TINAG: variants seen among roughly 807,000 people sequenced by gnomAD.
TINAG encodes the protein tubulointerstitial nephritis antigen.
TINAG carries 83 observed loss-of-function variants against 72.7 expected under a neutral mutation model. The ratio of observed to expected loss-of-function variants is 1.14; its 90% CI spans 0.96 to 1.37. TINAG has a LOEUF of 1.37. TINAG is among the 40% of genes most tolerant of loss of function. The pLI is 0.00. For synonymous variants in TINAG, 234 were observed against 189.9 expected (o/e 1.23, Z -1.91); for missense variants, 685 against 576.6 (o/e 1.19, Z -1.93).
At position 54,310,447 on chromosome 6, in the gene TINAG, TTCTG is replaced by T. The variant is rs1027507355; in HGVS notation, c.355+1546_355+1549del. Among the ~76,000 whole-genome samples, 20 of 151,200 alleles carry T rather than the reference TTCTG, an allele frequency of 1.3e-4. No individual in the cohort carries two copies. In the South Asian group the frequency reaches 3.4e-3, roughly 25 times the overall value. On this transcript the variant is annotated intron_variant, in intron 1 of 10. Coordinates refer to ENST00000259782, the MANE Select transcript of TINAG (RefSeq NM_014464.4). ...TTTCCTTCCTTCCTTCTTTCTCTCT[TTCTG>T]TCTCTCTCTCCCTCCTTTCTCCCTC...
intron 3 of TINAG, among the ~76,000 whole-genome samples, chr6:54,323,057 T>G (rs191863188): frequency 6.6e-6 from 1 of 152,330 alleles, no homozygotes; most frequent in East Asian, 1.9e-4. Flanking sequence ...GGTGCAAAAC[T>G]CCACCATTAC....
chr6:54,352,374 T>C (rs1785286779), intron 8 of TINAG, among the ~76,000 whole-genome samples: 1 of 151,844 alleles, frequency 6.6e-6, no homozygotes, highest in South Asian at 2.1e-4. Flanking sequence ...ACTTAGCATT[T>C]ATTGAGAAAC....
chr6:54,350,124 G>A (rs555012712), intron 7 of TINAG, among the ~76,000 whole-genome samples: 232 of 152,008 alleles, frequency 1.5e-3, no homozygotes, highest in African/African-American at 5.4e-3. Flanking sequence ...AAATGTCCAA[G>A]GAAATAGGGT....
At chr6:54,315,044 AT>A (rs1784340859) in intron 1 of TINAG, among the ~76,000 whole-genome samples, 1 of 152,136 alleles carries the variant, frequency 6.6e-6, no homozygotes, top group African/African-American at 2.4e-5. Context: ...TATTGAAAAA[AT>A]GTGCAAAATT....
chr6:54,380,518 AATTGTAGAT>A lies in TINAG; in HGVS notation c.1251-7_1252del. On this transcript the variant is annotated splice_acceptor_variant and splice_polypyrimidine_tract_variant and coding_sequence_variant and intron_variant, in exon 10 of 11. Transcript: ENST00000259782. LOFTEE classifies it high-confidence loss of function. ...CATACCAATCTTTATTATTGTTATT[AATTGTAGAT>A]GGGGCACACTGAGAGGAGCACAAGG... is the stretch of plus-strand genomic sequence containing the variant. 6.2e-7 allele frequency: 1 copy of A among 1,606,448 alleles called. No individual in the cohort carries two copies. Among genetic ancestry groups the A allele is most frequent in the Non-Finnish European group, 8.5e-7 (1 of 1,175,622 alleles).
chr6:54,388,913 T>C (rs374459963), intron 10 of TINAG, among the ~76,000 whole-genome samples: 17 of 152,194 alleles, frequency 1.1e-4, no homozygotes, highest in East Asian at 7.7e-4. Context: ...AGGAGTCTAC[T>C]AGCTAGTCAC....
chr6:54,322,844 A>C (rs149854875), intron 3 of TINAG, among the ~76,000 whole-genome samples: 179 of 152,364 alleles, frequency 1.2e-3, no homozygotes, highest in Middle Eastern at 6.8e-3. Context: ...TCATATTTAA[A>C]TTATTCAAAG....
At chr6:54,321,136 C>T (rs187690747) in intron 2 of TINAG, among the ~76,000 whole-genome samples, 161 bp from the exon 3 acceptor site, 126 of 152,252 alleles carry the variant, frequency 8.3e-4, no homozygotes, top group Non-Finnish European at 1.3e-3. Flanking sequence ...TGGTAGCTAA[C>T]GTATGTTTTA....
At chr6:54,362,021 G>C (rs189198394) in intron 9 of TINAG, among the ~76,000 whole-genome samples, 2 of 151,652 alleles carry the variant, frequency 1.3e-5, no homozygotes, top group Non-Finnish European at 3.0e-5. Flanking sequence ...GGTTCATAAG[G>C]CTTAAGAAAG....
intron 4 of TINAG, among the ~76,000 whole-genome samples, chr6:54,340,199 T>C (rs557226623): frequency 1.2e-3 from 180 of 152,280 alleles, no homozygotes; most frequent in Non-Finnish European, 2.2e-3. Flanking sequence ...ACATCAAATT[T>C]GGCTAATACT....
rs3777637 is a variant in TINAG, at chr6:54,353,634, A to G, written c.1127-879A>G. 9.2e-3 allele frequency among the ~76,000 whole-genome samples: 1,403 copies of G among 151,918 alleles called. 32 individuals carry two copies. The highest frequency in any genetic ancestry group is 0.053 in the East Asian group (273 of 5,150). ...TGCACAGCATCAGAAAAGGCATGGA[A>G]CATTAAAAAATGAAACAAAAACTGG... On this transcript the variant is annotated intron_variant, in intron 8 of 10. Coordinates refer to ENST00000259782, the MANE Select transcript of TINAG (RefSeq NM_014464.4).
At chr6:54,341,940 A>T (rs1785006322) in intron 4 of TINAG, among the ~76,000 whole-genome samples, 1 of 152,172 alleles carries the variant, frequency 6.6e-6, no homozygotes, top group Non-Finnish European at 1.5e-5. Context: ...TTCATAAAAA[A>T]TAGCTAATAA....
intron 10 of TINAG, among the ~76,000 whole-genome samples, chr6:54,386,987 GTATC>G (rs144962508): frequency 1.5e-3 from 232 of 152,176 alleles, no homozygotes; most frequent in African/African-American, 5.1e-3. Flanking sequence ...TGAGAAAAAT[GTATC>G]TATCTATCTA....
intron 9 of TINAG, among the ~76,000 whole-genome samples, chr6:54,360,880 A>G (rs1763215124): frequency 2.1e-5 from 1 of 48,510 alleles, no homozygotes; most frequent in African/African-American, 5.6e-5. Flanking sequence ...TTTCAAATTG[A>G]AAGTTTGTGG....
At chr6:54,313,154 G>A (rs1035342158) in intron 1 of TINAG, among the ~76,000 whole-genome samples, 27 of 152,042 alleles carry the variant, frequency 1.8e-4, no homozygotes, top group African/African-American at 5.6e-4. Context: ...TTTAAAATTA[G>A]CATCTTAAAC....
In TINAG at chr6:54,321,249, A is replaced by G. The variant is rs114272348; in HGVS notation, c.420-48A>G. 1.7e-4 allele frequency: 226 copies of G among 1,359,262 alleles called. No homozygotes were observed. In the African/African-American group the frequency reaches 2.3e-3, roughly 14 times the overall value. The allele number at this position is 1,359,262 out of a possible 1,614,324, so 84.2% of individuals were successfully genotyped here. A position where few individuals can be genotyped will look rare whatever the true frequency, so the allele number is the denominator to read the frequency against. On this transcript the variant is annotated intron_variant, in intron 2 of 10. Transcript: ENST00000259782. ...TATAACTCTTTTTACTAATTGAAAT[A>G]TACTTCATAAAGACCAAGCCACTTT...
At chr6:54,356,001 T>C (rs1763026980) in intron 9 of TINAG, among the ~76,000 whole-genome samples, 1 of 151,872 alleles carries the variant, frequency 6.6e-6, no homozygotes, top group African/African-American at 2.4e-5. Context: ...TTCTCAACAT[T>C]CTTTCTAACA....
At chr6:54,363,317 C>T (rs1489613254) in intron 9 of TINAG, among the ~76,000 whole-genome samples, 2 of 151,420 alleles carry the variant, frequency 1.3e-5, no homozygotes, top group African/African-American at 2.4e-5. Context: ...TTAAAGATTG[C>T]TCTGAGTATA....
In TINAG at chr6:54,360,197, C is replaced by G. The variant is rs186558753; in HGVS notation, c.1250+5561C>G. On this transcript the variant is annotated intron_variant, in intron 9 of 10. Transcript: ENST00000259782. ...CAGGACTGTGGTAGGTAGATACAAA[C>G]CTGTAACACATATATTTGCTCCTAG... Among the ~76,000 whole-genome samples, 148 of 151,596 alleles carry G rather than the reference C, an allele frequency of 9.8e-4. 1 individual carries two copies. The highest frequency in any genetic ancestry group is 2.1e-3 in the South Asian group (10 of 4,818).
Sources: allele counts gnomAD v4.1 joint callset (sites outside exome capture counted in the v4.1 genomes callset), GRCh38; gene constraint gnomAD v4.1.1; transcripts MANE v1.5; gene names NCBI Gene and HGNC (gene_info 2026-07-23, HGNC 2026-07-21).